Variants in BMP2K observed in about 807,000 individuals in gnomAD.
BMP2K encodes BMP-2-inducible protein kinase.
A neutral mutation model predicts 116.0 loss-of-function variants in BMP2K; 74 were observed. That is an observed-to-expected ratio of 0.64 (90% CI 0.53 to 0.77). BMP2K has a LOEUF of 0.77. BMP2K is among the 30% of genes least tolerant of loss of function. The probability of loss-of-function intolerance (pLI) is 0.00; values close to 1 mark genes in which losing one functional copy is unlikely to be tolerated. For synonymous variants in BMP2K, 486 were observed against 502.5 expected, an observed-to-expected ratio of 0.97 and a Z score of 0.44; for missense variants, 1,365 against 1,403.6, an observed-to-expected ratio of 0.97 and a Z score of 0.44.
intron 2 of BMP2K, among the ~76,000 whole-genome samples, chr4:78,830,363 A>G (rs920932657): frequency 1.3e-5 from 2 of 152,100 alleles, no homozygotes; most frequent in African/African-American, 4.8e-5. Flanking sequence ...TGTTTTATTT[A>G]TAGAGCACAA....
chr4:78,881,936 C>T (rs1476733636), intron 14 of BMP2K, among the ~76,000 whole-genome samples: 1 of 151,934 alleles, frequency 6.6e-6, no homozygotes, highest in Non-Finnish European at 1.5e-5. Flanking sequence ...CAGGTATTAA[C>T]AATTTTCCAA....
chr4:78,860,280 A>G (rs1329592602), intron 8 of BMP2K, among the ~76,000 whole-genome samples: 2 of 151,842 alleles, frequency 1.3e-5, no homozygotes. Flanking sequence ...AGACTTCACC[A>G]TTATGCAGTA....
chr4:78,792,704 C>T (rs1728063135), intron 1 of BMP2K, among the ~76,000 whole-genome samples: 1 of 151,774 alleles, frequency 6.6e-6, no homozygotes, highest in Non-Finnish European at 1.5e-5. Context: ...TCTGTATAAC[C>T]TATATTTTCC....
intron 1 of BMP2K, among the ~76,000 whole-genome samples, chr4:78,795,535 A>C (rs1250959316): frequency 6.6e-6 from 1 of 152,138 alleles, no homozygotes; most frequent in African/African-American, 2.4e-5. Flanking sequence ...AAAATTGACA[A>C]ATGGGATCTA....
chr4:78,808,655 T>A (rs1728939227), intron 1 of BMP2K, among the ~76,000 whole-genome samples: 1 of 152,204 alleles, frequency 6.6e-6, no homozygotes, highest in Admixed American at 6.5e-5. Context: ...GGCGTGCTGT[T>A]TTTTAAATTT....
At chr4:78,862,721 AAT>A (rs1731854616) in intron 9 of BMP2K, among the ~76,000 whole-genome samples, 1 of 152,104 alleles carries the variant, frequency 6.6e-6, no homozygotes, top group Non-Finnish European at 1.5e-5. Flanking sequence ...ACATTGTTAA[AAT>A]TTCATTTGCG....
At chr4:78,888,744 A>C (rs772171687) in intron 15 of BMP2K, among the ~76,000 whole-genome samples, 1 of 152,110 alleles carries the variant, frequency 6.6e-6, no homozygotes, top group African/African-American at 2.4e-5. Flanking sequence ...ACTGTTTACT[A>C]TGGGTATTTA....
intron 3 of BMP2K, among the ~76,000 whole-genome samples, chr4:78,836,059 C>A (rs1365113770): frequency 6.6e-6 from 1 of 151,698 alleles, no homozygotes; most frequent in African/African-American, 2.4e-5. Context: ...GTAATTACCT[C>A]GGTTTTCATT....
At chr4:78,835,389 G>T (rs1194366818) in intron 3 of BMP2K, among the ~76,000 whole-genome samples, 1 of 152,074 alleles carries the variant, frequency 6.6e-6, no homozygotes, top group Non-Finnish European at 1.5e-5. Context: ...ACTTTGGAAG[G>T]CAGAGGCGGG....
chr4:78,790,898 A>T (rs1578468764), intron 1 of BMP2K, among the ~76,000 whole-genome samples: 2 of 152,168 alleles, frequency 1.3e-5, no homozygotes, highest in Admixed American at 6.5e-5. Context: ...ATAAATTTTT[A>T]AAAATGTAAC....
intron 1 of BMP2K, among the ~76,000 whole-genome samples, chr4:78,788,664 G>A (rs570395176): frequency 1.3e-5 from 2 of 151,354 alleles, no homozygotes; most frequent in Admixed American, 1.3e-4. Context: ...CCTTAGTGCA[G>A]TGGGAACTTT....
chr4:78,851,594 C>T (rs1446758919), intron 7 of BMP2K, among the ~76,000 whole-genome samples: 1 of 151,964 alleles, frequency 6.6e-6, no homozygotes, highest in African/African-American at 2.4e-5. Context: ...TTCAAGTACC[C>T]CTTGTTGTAG....
In BMP2K at chr4:78,854,603, G is replaced by A. The variant is rs192919266; in HGVS notation, c.883+3547G>A. On this transcript the variant is annotated intron_variant, in intron 7 of 15. Transcript: ENST00000502613. ...TTTATTGACAGGATCTAGCTATGTT[G>A]CCCAGGCTGGTCTCAACCTTCTGGG... Among the ~76,000 whole-genome samples, 562 of 152,074 alleles carry A rather than the reference G, an allele frequency of 3.7e-3. 2 individuals carry two copies. Among genetic ancestry groups the A allele is most frequent in the Non-Finnish European group, 6.4e-3 (435 of 67,958 alleles).
chr4:78,781,738 C>T (rs1727515002), intron 1 of BMP2K, among the ~76,000 whole-genome samples: 2 of 152,122 alleles, frequency 1.3e-5, no homozygotes, highest in South Asian at 4.1e-4. Context: ...TTTGGTAAAA[C>T]AGAAGTGCTG....
intron 15 of BMP2K, among the ~76,000 whole-genome samples, chr4:78,897,931 G>A (rs552346168): frequency 1.3e-5 from 2 of 152,318 alleles, no homozygotes; most frequent in African/African-American, 4.8e-5. Context: ...AGATGCAAAT[G>A]CTACAATAGA....
In BMP2K at chr4:78,914,283, C is replaced by T. The variant is rs1734855801; in HGVS notation, c.*2250C>T. 2 of 151,962 alleles carry T rather than the reference C, an allele frequency of 1.3e-5. No individual in the cohort carries two copies. Among genetic ancestry groups the T allele is most frequent in the African/African-American group, 4.8e-5 (2 of 41,384 alleles). The allele number at this position is 151,962 out of a possible 1,614,324, so 9.4% of individuals were successfully genotyped here. On this transcript the variant is annotated 3_prime_UTR_variant, in exon 16 of 16. Coordinates refer to ENST00000502613, the MANE Select transcript of BMP2K (RefSeq NM_198892.2). ...AATGATTCTGACACTGATGTAGACCCTTTGACTTATAAATTCTGAGGAAAC... is the reference window on the plus strand; with the variant it reads ...AATGATTCTGACACTGATGTAGACCTTTTGACTTATAAATTCTGAGGAAAC...
intron 1 of BMP2K, among the ~76,000 whole-genome samples, chr4:78,814,696 C>G (rs1729248038): frequency 6.6e-6 from 1 of 151,964 alleles, no homozygotes; most frequent in Non-Finnish European, 1.5e-5. Flanking sequence ...TAAACTTTTC[C>G]TTTATCAATT....
intron 15 of BMP2K, among the ~76,000 whole-genome samples, chr4:78,901,234 T>A (rs898199397): frequency 7.9e-5 from 12 of 151,612 alleles, no homozygotes; most frequent in African/African-American, 2.9e-4. Flanking sequence ...TTTATTATTT[T>A]TTTTTTTGTA....
At position 78,836,185 on chromosome 4, in the gene BMP2K, A is replaced by G. The variant is rs530305413; in HGVS notation, c.403+2498A>G. ...ATAATCCCAGCACTTTGGGAGGCTGAGGCGGGCGGATCAAGAGGTCAGGAG... is the reference window on the plus strand; with the variant it reads ...ATAATCCCAGCACTTTGGGAGGCTGGGGCGGGCGGATCAAGAGGTCAGGAG... On this transcript the variant is annotated intron_variant, in intron 3 of 15. Transcript: ENST00000502613. Among the ~76,000 whole-genome samples the G allele has an allele frequency of 3.3e-5, 5 of 152,250 alleles. No homozygotes were observed. The South Asian group carries it at 8.3e-4, about 25-fold the overall frequency.
Sources: gnomAD v4.1 joint callset for allele counts (sites outside exome capture counted in the v4.1 genomes callset) on GRCh38, gnomAD v4.1.1 for gene constraint, MANE v1.5 for transcripts, NCBI Gene and HGNC (gene_info 2026-07-23, HGNC 2026-07-21) for gene names.